The following TOGARAM1 variants were observed in gnomAD, a reference collection of about 807,000 sequenced individuals.
TOGARAM1 encodes TOG array regulator of axonemal microtubules 1.
Under a neutral mutation model 166.6 loss-of-function variants are expected in TOGARAM1, and 100 were observed. The observed-to-expected ratio is 0.60, with a 90% CI of 0.51 to 0.71. The LOEUF (loss-of-function observed/expected upper bound fraction) is 0.71, where lower values mean the gene tolerates loss of function less well. Among genes scored for constraint, TOGARAM1 ranks in the 30% least tolerant of loss-of-function variants. TOGARAM1 has a pLI of 0.00. For missense variants in TOGARAM1, 2,029 were observed against 2,102.7 expected (o/e 0.96, Z 0.69); for synonymous variants, 758 against 763.8 (o/e 0.99, Z 0.13).
At chr14:45,071,284 AGT>A (rs1010452431) in intron 18 of TOGARAM1, among the ~76,000 whole-genome samples, 14 of 67,176 alleles carry the variant, frequency 2.1e-4, no homozygotes, top group African/African-American at 7.6e-4. Context: ...AGATTCAGGC[AGT>A]TTTTTTTTTT....
At chr14:45,027,613 C>A in intron 9 of TOGARAM1, 139 bp downstream of exon 9, 2 of 623,252 alleles carry the variant, frequency 3.2e-6, no homozygotes, top group Non-Finnish European at 4.9e-6. Flanking sequence ...TGAGCCTTGG[C>A]AATGTGGCAA....
intron 16 of TOGARAM1, among the ~76,000 whole-genome samples, chr14:45,057,468 C>T (rs937185114): frequency 2.0e-5 from 3 of 151,810 alleles, no homozygotes; most frequent in Admixed American, 2.0e-4. Flanking sequence ...ACTCTGTTGC[C>T]TAGGGTGAAG....
At chr14:45,023,911 T>C (rs1880676031) in intron 7 of TOGARAM1, among the ~76,000 whole-genome samples, 1 of 152,102 alleles carries the variant, frequency 6.6e-6, no homozygotes, top group Admixed American at 6.5e-5. Context: ...TGGCTAATTT[T>C]TGTATTTTTG....
chr14:45,073,649 C>T lies in TOGARAM1; in HGVS notation c.*88C>T. The T allele has an allele frequency of 8.0e-7, 1 of 1,254,370 alleles. No individual in the cohort carries two copies. The highest frequency in any genetic ancestry group is 1.1e-6 in the Non-Finnish European group (1 of 918,136). 77.7% of individuals were successfully genotyped at this position (1,254,370 alleles called of 1,614,324 possible). Reference sequence around the variant, plus strand: ...AAAAGTTATGTTATCAGTGCCTGCACTTCACATCCAGCAAATTAAGTCAAT... The same window carrying T: ...AAAAGTTATGTTATCAGTGCCTGCATTTCACATCCAGCAAATTAAGTCAAT... On this transcript the variant is annotated 3_prime_UTR_variant, in exon 20 of 20. Coordinates refer to ENST00000361462, the MANE Select transcript of TOGARAM1 (RefSeq NM_001308120.2).
chr14:45,036,239 C>A (rs1488813424), intron 11 of TOGARAM1, among the ~76,000 whole-genome samples: 1 of 143,860 alleles, frequency 7.0e-6, no homozygotes, highest in Non-Finnish European at 1.5e-5. Context: ...ACCAAGGCAA[C>A]AAAGGAGATA....
intron 11 of TOGARAM1, among the ~76,000 whole-genome samples, chr14:45,039,939 C>G (rs1881641379): frequency 6.6e-6 from 1 of 152,150 alleles, no homozygotes; most frequent in Admixed American, 6.5e-5. Flanking sequence ...TCACAGCAGC[C>G]ACTCCAGAGG....
At chr14:45,032,165 G>C (rs1881197402) in intron 10 of TOGARAM1, 58 bp from the exon 11 acceptor site, 4 of 1,512,468 alleles carry the variant, frequency 2.6e-6, no homozygotes, top group Non-Finnish European at 3.6e-6. Context: ...ATCTCAAAAA[G>C]ATAAAAATTT....
At chr14:44,982,390 G>A (rs559891882) in intron 1 of TOGARAM1, among the ~76,000 whole-genome samples, 2 of 152,220 alleles carry the variant, frequency 1.3e-5, no homozygotes, top group East Asian at 1.9e-4. Context: ...GTTTTAATGG[G>A]TTAGTGGCAT....
intron 11 of TOGARAM1, among the ~76,000 whole-genome samples, chr14:45,041,455 T>C (rs1881723322): frequency 6.6e-6 from 1 of 152,164 alleles, no homozygotes; most frequent in Non-Finnish European, 1.5e-5. Flanking sequence ...TTCTGATAGT[T>C]TATCCCAAAG....
At position 44,963,856 on chromosome 14, in the gene TOGARAM1, C is replaced by T. The variant is rs749589830; in HGVS notation, c.1435C>T (p.Leu479Phe). The change falls in exon 1 of 20, where the codon CTC becomes TTC. Residue 479 changes from leucine (L) to phenylalanine (F), a missense_variant. Physicochemically the swap from Leu to Phe is conservative, Grantham distance 22. Coordinates refer to ENST00000361462, the MANE Select transcript of TOGARAM1 (RefSeq NM_001308120.2). Reference sequence around the variant, plus strand: ...GGTGCTTTGTTTACTCCTGGAACATCTCAAACATAAGCATTCCAGAGTGAG... The same window carrying T: ...GGTGCTTTGTTTACTCCTGGAACATTTCAAACATAAGCATTCCAGAGTGAG... Reference protein sequence around the residue: ...QQVLCLLLEHLKHKHSRVREE... With the variant: ...QQVLCLLLEHFKHKHSRVREE... 1.2e-6 allele frequency: 2 copies of T among 1,614,042 alleles called. No individual in the cohort carries two copies. The highest frequency in any genetic ancestry group is 3.3e-5 in the Admixed American group (2 of 60,000).
At chr14:45,058,297 C>CTT (rs749622003) in intron 16 of TOGARAM1, among the ~76,000 whole-genome samples, 10 of 141,164 alleles carry the variant, frequency 7.1e-5, no homozygotes, top group South Asian at 2.3e-4. Context: ...TGTAGAGTGT[C>CTT]TTTTTTTTTT....
chr14:45,008,924 T>A lies in TOGARAM1; in HGVS notation c.2916T>A (p.Ser972=). ...KDLDQEEMHS[S]LRSLRNSAAK... ...TCATTTTTTCTTAGATGCATAGCTC[T>A]CTTAGGTCCCTTCGTAATAGTGCAG... The change falls in exon 6 of 20, where the codon TCT becomes TCA. Residue 972 remains serine, a synonymous_variant. Transcript: ENST00000361462. The A allele has an allele frequency of 6.2e-7, 1 of 1,613,226 alleles. No homozygotes were observed. Among genetic ancestry groups the A allele is most frequent in the Non-Finnish European group, 8.5e-7 (1 of 1,179,560 alleles).
At chr14:45,061,890 A>T (rs1882917461) in intron 16 of TOGARAM1, among the ~76,000 whole-genome samples, 2 of 152,092 alleles carry the variant, frequency 1.3e-5, no homozygotes, top group Non-Finnish European at 2.9e-5. Context: ...TCTTTAATAC[A>T]GGTGCTATTT....
At chr14:45,065,184 TAGATAGAA>T (rs139726955) in intron 16 of TOGARAM1, among the ~76,000 whole-genome samples, 7,827 of 151,920 alleles carry the variant, frequency 0.052, 249 homozygotes, top group East Asian at 0.12. Context: ...AAAAATAAAA[TAGATAGAA>T]AGATAGAGTG....
chr14:45,044,986 A>T (rs770516691), intron 13 of TOGARAM1, 116 bp downstream of exon 13: 80 of 680,322 alleles, frequency 1.2e-4, no homozygotes, highest in Non-Finnish European at 1.8e-4. Context: ...AACATTTATT[A>T]AAAAGTTCCT....
At chr14:45,038,544 A>G (rs1357671210) in intron 11 of TOGARAM1, among the ~76,000 whole-genome samples, 1 of 152,232 alleles carries the variant, frequency 6.6e-6, no homozygotes, top group Non-Finnish European at 1.5e-5. Flanking sequence ...ACATACCACA[A>G]GCAGCTTCCA....
chr14:45,011,783 ATATGTG>A (rs1256559777), intron 6 of TOGARAM1, 186 bp from the exon 7 acceptor site: 3 of 417,818 alleles, frequency 7.2e-6, no homozygotes, highest in Non-Finnish European at 1.3e-5. Flanking sequence ...AGCAAAATAT[ATATGTG>A]TGTGTGTGTG....
intron 14 of TOGARAM1, among the ~76,000 whole-genome samples, chr14:45,050,648 T>C (rs1271158134): frequency 6.6e-6 from 1 of 151,686 alleles, no homozygotes; most frequent in Non-Finnish European, 1.5e-5. Context: ...CCCCCAAGAC[T>C]CTGTCACCCA....
intron 11 of TOGARAM1, among the ~76,000 whole-genome samples, chr14:45,037,569 A>G (rs185405002): frequency 7.9e-5 from 12 of 152,314 alleles, no homozygotes; most frequent in African/African-American, 2.4e-4. Context: ...AAAGGAATTA[A>G]TTCATCAAGA....
Sources: allele counts gnomAD v4.1 joint callset (sites outside exome capture counted in the v4.1 genomes callset), GRCh38; gene constraint gnomAD v4.1.1; transcripts MANE v1.5; gene names NCBI Gene and HGNC (gene_info 2026-07-23, HGNC 2026-07-21).